CPQ: variants seen among roughly 807,000 people sequenced by gnomAD.
The protein encoded by CPQ is carboxypeptidase Q.
A neutral mutation model predicts 45.7 loss-of-function variants in CPQ; 37 were observed. The observed-to-expected ratio is 0.81, with a 90% confidence interval of 0.62 to 1.07. The LOEUF is 1.07. Among genes scored for constraint, CPQ ranks in the 50% least tolerant of loss-of-function variants. CPQ has a pLI of 0.00. For synonymous variants in CPQ, 186 were observed against 205.8 expected, an observed-to-expected ratio of 0.90 and a Z score of 0.82; for missense variants, 537 against 572.9, an observed-to-expected ratio of 0.94 and a Z score of 0.64.
intron 2 of CPQ, among the ~76,000 whole-genome samples, chr8:96,816,904 G>A (rs772104834): frequency 7.9e-5 from 12 of 152,026 alleles, no homozygotes; most frequent in Non-Finnish European, 1.6e-4. Flanking sequence ...AAACAGATAC[G>A]CTGTCATCCA....
At chr8:96,972,475 A>G (rs1015863629) in intron 5 of CPQ, among the ~76,000 whole-genome samples, 2 of 152,168 alleles carry the variant, frequency 1.3e-5, no homozygotes, top group African/African-American at 4.8e-5. Context: ...CTATGGCCCT[A>G]CCTATCACCT....
intron 1 of CPQ, among the ~76,000 whole-genome samples, chr8:96,765,513 A>T (rs1810456199): frequency 6.6e-6 from 1 of 152,136 alleles, no homozygotes; most frequent in Admixed American, 6.5e-5. Context: ...GAAAAAAAAA[A>T]ACCTATAGTC....
chr8:96,728,955 A>C (rs1038748177), intron 1 of CPQ, among the ~76,000 whole-genome samples: 2 of 152,188 alleles, frequency 1.3e-5, no homozygotes, highest in African/African-American at 4.8e-5. Flanking sequence ...AAGAGGAAAA[A>C]AAACAAACAA....
chr8:96,726,175 C>A (rs1273745985), intron 1 of CPQ, among the ~76,000 whole-genome samples: 1 of 151,878 alleles, frequency 6.6e-6, no homozygotes, highest in Non-Finnish European at 1.5e-5. Flanking sequence ...TCATTCGTAC[C>A]CCAAACCCAT....
intron 1 of CPQ, among the ~76,000 whole-genome samples, chr8:96,651,707 A>G (rs978166449): frequency 4.9e-5 from 7 of 142,116 alleles, no homozygotes; most frequent in Non-Finnish European, 9.5e-5. Flanking sequence ...AGTATATTTT[A>G]TTATTAATCA....
chr8:96,817,409 G>C (rs1479432552), intron 2 of CPQ, among the ~76,000 whole-genome samples: 1 of 152,032 alleles, frequency 6.6e-6, no homozygotes, highest in Non-Finnish European at 1.5e-5. Flanking sequence ...TTGAAATATT[G>C]CAATAACTTT....
intron 4 of CPQ, among the ~76,000 whole-genome samples, chr8:96,925,573 G>C (rs542737532): frequency 6.6e-6 from 1 of 152,232 alleles, no homozygotes; most frequent in African/African-American, 2.4e-5. Context: ...AGTAGAAACA[G>C]GGTTTTGCCA....
At chr8:96,902,744 G>A (rs375628313) in intron 4 of CPQ, among the ~76,000 whole-genome samples, 4 of 152,272 alleles carry the variant, frequency 2.6e-5, no homozygotes, top group South Asian at 2.1e-4. Context: ...CATGGGGCAC[G>A]CAATGTGGCC....
chr8:96,941,926 T>C (rs1237648179), intron 4 of CPQ, among the ~76,000 whole-genome samples: 4 of 152,154 alleles, frequency 2.6e-5, no homozygotes, highest in Non-Finnish European at 5.9e-5. Context: ...ACTGAACTGA[T>C]AGAGTGATAA....
At chr8:97,066,873 G>A (rs115502049) in intron 7 of CPQ, among the ~76,000 whole-genome samples, 2,483 of 149,760 alleles carry the variant, frequency 0.017, 66 homozygotes, top group African/African-American at 0.056. Context: ...GCGGACATGA[G>A]GAGGTTACTT....
chr8:96,945,878 C>T (rs1813181730), intron 4 of CPQ, among the ~76,000 whole-genome samples: 1 of 152,150 alleles, frequency 6.6e-6, no homozygotes, highest in Non-Finnish European at 1.5e-5. Context: ...TTTCAGGTTC[C>T]CCTGTGTTTG....
intron 4 of CPQ, among the ~76,000 whole-genome samples, chr8:96,954,592 AT>A (rs758348940): frequency 1.3e-4 from 20 of 151,600 alleles, no homozygotes; most frequent in East Asian, 7.8e-4. Flanking sequence ...TCTTTCTGTT[AT>A]TTTTTTTATT....
intron 4 of CPQ, among the ~76,000 whole-genome samples, chr8:96,880,518 C>A (rs578092307): frequency 2.1e-5 from 2 of 97,336 alleles, no homozygotes; most frequent in African/African-American, 4.1e-5. Context: ...AATATATGGT[C>A]ATATATATAT....
In CPQ at chr8:96,868,352, T is replaced by G. The variant is rs949098019; in HGVS notation, c.642-11446T>G. On this transcript the variant is annotated intron_variant, in intron 3 of 7. Transcript: ENST00000220763. The stretch of plus-strand genomic sequence containing the variant: ...TAGACCTTGTGGTCATCTTATAGAC[T>G]CATGTTCACCTTCACATCTGTAAAT... Among the ~76,000 whole-genome samples the G allele has an allele frequency of 2.6e-5, 4 of 152,088 alleles. No individual in the cohort carries two copies. In the South Asian group the frequency reaches 6.2e-4, roughly 24 times the overall value.
At chr8:96,918,260 A>G (rs902339418) in intron 4 of CPQ, among the ~76,000 whole-genome samples, 3 of 152,168 alleles carry the variant, frequency 2.0e-5, no homozygotes, top group Non-Finnish European at 4.4e-5. Context: ...ACAGCTTGAG[A>G]TATCAATTTT....
At chr8:96,681,258 A>G (rs920144239) in intron 1 of CPQ, among the ~76,000 whole-genome samples, 1 of 152,242 alleles carries the variant, frequency 6.6e-6, no homozygotes, top group Non-Finnish European at 1.5e-5. Context: ...TCACAGGACC[A>G]GAGGCCTAGG....
chr8:96,650,616 C>T (rs1006287290), intron 1 of CPQ, among the ~76,000 whole-genome samples: 2 of 152,166 alleles, frequency 1.3e-5, no homozygotes, highest in African/African-American at 2.4e-5. Context: ...CAACGCCTTG[C>T]CTTACCTTGG....
intron 7 of CPQ, among the ~76,000 whole-genome samples, chr8:97,081,124 G>C (rs1270425215): frequency 6.6e-6 from 1 of 152,082 alleles, no homozygotes; most frequent in African/African-American, 2.4e-5. Context: ...TACAGAAATA[G>C]TTCATTGATT....
intron 4 of CPQ, among the ~76,000 whole-genome samples, chr8:96,919,250 T>C (rs1442557216): frequency 6.6e-6 from 1 of 152,168 alleles, no homozygotes; most frequent in Non-Finnish European, 1.5e-5. Flanking sequence ...ACTCAGCTCA[T>C]GCGACCTCTT....
Sources: gnomAD v4.1 joint callset for allele counts (sites outside exome capture counted in the v4.1 genomes callset) on GRCh38, gnomAD v4.1.1 for gene constraint, MANE v1.5 for transcripts, NCBI Gene and HGNC (gene_info 2026-07-23, HGNC 2026-07-21) for gene names.